Variants in DTNBP1 observed in about 807,000 individuals in gnomAD.
The protein encoded by DTNBP1 is dystrobrevin binding protein 1.
A neutral mutation model predicts 42.8 loss-of-function variants in DTNBP1; 35 were observed. That is an observed-to-expected ratio of 0.82 (90% CI 0.63 to 1.09). DTNBP1 has a LOEUF of 1.09. Ranked by LOEUF, DTNBP1 falls within the 50% of genes least tolerant of loss-of-function variation. The pLI is 0.00. For missense variants in DTNBP1, 457 were observed against 424.2 expected (o/e 1.08, Z -0.68); for synonymous variants, 171 against 162.2 (o/e 1.05, Z -0.41).
intron 6 of DTNBP1, among the ~76,000 whole-genome samples, chr6:15,611,268 A>C (rs992237617): frequency 2.0e-5 from 3 of 152,184 alleles, no homozygotes; most frequent in Non-Finnish European, 4.4e-5. Context: ...GGGTGAAAGC[A>C]TATCTGTTTG....
chr6:15,558,928 T>C (rs551276388), intron 7 of DTNBP1, among the ~76,000 whole-genome samples: 1 of 152,260 alleles, frequency 6.6e-6, no homozygotes, highest in South Asian at 2.1e-4. Flanking sequence ...TAATGGGCAT[T>C]TCTCACTTTA....
chr6:15,624,240 T>C (rs1405236675), intron 5 of DTNBP1, among the ~76,000 whole-genome samples: 2 of 152,248 alleles, frequency 1.3e-5, no homozygotes, highest in Non-Finnish European at 2.9e-5. Flanking sequence ...TTGAGAAATC[T>C]GCACAGTTTT....
At position 15,578,310 on chromosome 6, in the gene DTNBP1, G is replaced by A. The variant is rs114704644; in HGVS notation, c.511+14749C>T. On this transcript the variant is annotated intron_variant, in intron 7 of 9. Transcript: ENST00000344537. ...AAGCAATGAGGAATGGGATCAGGGA[G>A]GGGATGTCCCAGTTTGAGAAAAGAG... Among the ~76,000 whole-genome samples, 688 of 152,362 alleles carry A rather than the reference G, an allele frequency of 4.5e-3. 5 individuals carry two copies. Among genetic ancestry groups the A allele is most frequent in the African/African-American group, 0.016 (664 of 41,578 alleles).
intron 6 of DTNBP1, among the ~76,000 whole-genome samples, chr6:15,596,039 C>T (rs572321342): frequency 1.3e-5 from 2 of 152,088 alleles, no homozygotes; most frequent in African/African-American, 2.4e-5. Flanking sequence ...AGGAAACTCA[C>T]GTTGGGGGCA....
chr6:15,552,873 G>C (rs1026676424), intron 7 of DTNBP1, among the ~76,000 whole-genome samples: 1 of 152,112 alleles, frequency 6.6e-6, no homozygotes, highest in African/African-American at 2.4e-5. Context: ...GGTCTTCTAT[G>C]TTCTAAGCAC....
intron 4 of DTNBP1, among the ~76,000 whole-genome samples, chr6:15,633,472 G>T (rs1174989181): frequency 6.6e-6 from 1 of 152,174 alleles, no homozygotes; most frequent in Non-Finnish European, 1.5e-5. Flanking sequence ...GCTTTGAGGG[G>T]TTCAAGGCTT....
chr6:15,655,807 C>G (rs1327128512), intron 1 of DTNBP1, among the ~76,000 whole-genome samples: 1 of 152,100 alleles, frequency 6.6e-6, no homozygotes, highest in Non-Finnish European at 1.5e-5. Flanking sequence ...AAGGTATTTT[C>G]TAAAATAACA....
At chr6:15,658,352 T>C (rs1761398619) in intron 1 of DTNBP1, among the ~76,000 whole-genome samples, 1 of 152,190 alleles carries the variant, frequency 6.6e-6, no homozygotes, top group South Asian at 2.1e-4. Flanking sequence ...CACTTCACCA[T>C]TTGACCACAT....
At chr6:15,562,724 C>G (rs145597828) in intron 7 of DTNBP1, among the ~76,000 whole-genome samples, 3 of 152,164 alleles carry the variant, frequency 2.0e-5, no homozygotes, top group Non-Finnish European at 4.4e-5. Flanking sequence ...TTACAATCTC[C>G]TAAATTATGC....
chr6:15,525,941 A>G lies in DTNBP1; in HGVS notation c.668-1272T>C, dbSNP rs1772352738. 2.6e-5 allele frequency among the ~76,000 whole-genome samples: 4 copies of G among 152,252 alleles called. No homozygotes were observed. The South Asian group carries it at 8.3e-4, about 32-fold the overall frequency. On this transcript the variant is annotated intron_variant, in intron 8 of 9. Coordinates refer to ENST00000344537, the MANE Select transcript of DTNBP1 (RefSeq NM_032122.5). ...CAAGATCAAAGCAATCTTCACCTAC[A>G]CCAATTGCTTTGAAGTTGAAGAACA...
chr6:15,548,381 G>C (rs1216760904), intron 7 of DTNBP1: 2 of 151,200 alleles, frequency 1.3e-5, no homozygotes, highest in Non-Finnish European at 2.9e-5. Flanking sequence ...AAATAGATCA[G>C]ACCCAGGATT....
chr6:15,612,901 C>T (rs1445897344), intron 6 of DTNBP1, among the ~76,000 whole-genome samples: 2 of 152,182 alleles, frequency 1.3e-5, no homozygotes, highest in African/African-American at 2.4e-5. Context: ...TGAAGACTAG[C>T]CTGACCATTT....
At chr6:15,660,166 AT>A (rs1330161354) in intron 1 of DTNBP1, among the ~76,000 whole-genome samples, 3 of 152,208 alleles carry the variant, frequency 2.0e-5, no homozygotes, top group African/African-American at 7.2e-5. Context: ...TGATATCAGC[AT>A]TGCATTTATG....
intron 8 of DTNBP1, among the ~76,000 whole-genome samples, chr6:15,531,415 CA>C (rs1772817343): frequency 6.6e-6 from 1 of 152,174 alleles, no homozygotes; most frequent in Non-Finnish European, 1.5e-5. Flanking sequence ...AGGAAACGCA[CA>C]GAGGACAAAT....
chr6:15,542,463 C>A (rs1773626484), intron 7 of DTNBP1, among the ~76,000 whole-genome samples: 1 of 152,084 alleles, frequency 6.6e-6, no homozygotes, highest in Non-Finnish European at 1.5e-5. Context: ...TCTCGGCCTC[C>A]CTGGTTCAAG....
chr6:15,533,583 C>T lies in DTNBP1; in HGVS notation c.512-188G>A, dbSNP rs754535512. The T allele has an allele frequency of 7.2e-6, 7 of 972,390 alleles. No homozygotes were observed. The South Asian group carries it at 8.0e-5, about 11-fold the overall frequency. The allele number at this position is 972,390 out of a possible 1,614,324, so 60.2% of individuals were successfully genotyped here. ...CAATCTGCTGCACTTCCTCCCCCTA[C>T]CTGGGCGGTCAGGGTCAGGCCCTTC... On this transcript the variant is annotated intron_variant, in intron 7 of 9. Transcript: ENST00000344537.
intron 3 of DTNBP1, among the ~76,000 whole-genome samples, chr6:15,642,539 T>TA (rs760028871): frequency 1.3e-5 from 2 of 151,972 alleles, no homozygotes; most frequent in Non-Finnish European, 2.9e-5. Context: ...CATCACCAAA[T>TA]AAAAATCTGC....
At chr6:15,625,374 GA>G (rs1176141707) in intron 5 of DTNBP1, among the ~76,000 whole-genome samples, 5 of 152,204 alleles carry the variant, frequency 3.3e-5, no homozygotes, top group African/African-American at 1.2e-4. Context: ...TGATTAACCA[GA>G]ACAGTATATC....
intron 7 of DTNBP1, among the ~76,000 whole-genome samples, chr6:15,560,787 T>G (rs1482487449): frequency 6.6e-6 from 1 of 152,150 alleles, no homozygotes; most frequent in Non-Finnish European, 1.5e-5. Flanking sequence ...AGGAAACAAT[T>G]TATCCAACTC....
Sources: gnomAD v4.1 joint callset for allele counts (sites outside exome capture counted in the v4.1 genomes callset) on GRCh38, gnomAD v4.1.1 for gene constraint, MANE v1.5 for transcripts, NCBI Gene and HGNC (gene_info 2026-07-23, HGNC 2026-07-21) for gene names.